Variants in MTHFD2 observed in about 807,000 individuals in gnomAD.
MTHFD2 encodes the protein bifunctional methylenetetrahydrofolate dehydrogenase/cyclohydrolase, mitochondrial.
Under a neutral mutation model 36.8 loss-of-function variants are expected in MTHFD2, and 26 were observed. The ratio of observed to expected loss-of-function variants is 0.71; its 90% confidence interval spans 0.52 to 0.98. The LOEUF (loss-of-function observed/expected upper bound fraction) is 0.98, where lower values mean the gene tolerates loss of function less well. MTHFD2 is among the 50% of genes least tolerant of loss of function. MTHFD2 has a pLI of 0.00. For synonymous variants in MTHFD2, 164 were observed against 155.2 expected (o/e 1.06, Z -0.42); for missense variants, 373 against 434.0 (o/e 0.86, Z 1.25).
At chr2:74,209,849 A>T (rs1160751118) in intron 4 of MTHFD2, 93 bp from the exon 5 acceptor site, 2 of 972,370 alleles carry the variant, frequency 2.1e-6, no homozygotes, top group East Asian at 2.7e-5. Flanking sequence ...CAGTTGACTG[A>T]TGAGGCAAAA....
chr2:74,208,954 G>T (rs773765527), intron 4 of MTHFD2, among the ~76,000 whole-genome samples: 2 of 149,776 alleles, frequency 1.3e-5, no homozygotes, highest in African/African-American at 2.5e-5. Context: ...GCTCACTGCA[G>T]CCTCTGCCTC....
intron 5 of MTHFD2, among the ~76,000 whole-genome samples, chr2:74,210,917 G>T (rs1388653347): frequency 6.6e-6 from 1 of 151,886 alleles, no homozygotes; most frequent in Non-Finnish European, 1.5e-5. Context: ...CTCCCAAGTA[G>T]CTGGGATTAC....
intron 7 of MTHFD2, among the ~76,000 whole-genome samples, chr2:74,213,317 C>T (rs993008688): frequency 5.1e-5 from 6 of 117,402 alleles, no homozygotes; most frequent in African/African-American, 7.0e-5. Flanking sequence ...CTCTCTGTTG[C>T]CCAGGCTGGA....
chr2:74,205,918 G>C, intron 2 of MTHFD2, 29 bp downstream of exon 2: 1 of 1,598,558 alleles, frequency 6.3e-7, no homozygotes, highest in Non-Finnish European at 8.6e-7. Flanking sequence ...CCTCGACTGC[G>C]GTTCAGTTGA....
rs565994280 is a variant in MTHFD2, at chr2:74,217,065, G to T, written c.*2823G>T. ...AAACACTTATTGAGAGCTTTCTATG[G>T]ACCAGGCACTACACTAGACGCTGGG... On this transcript the variant is annotated 3_prime_UTR_variant, in exon 8 of 8. Coordinates refer to ENST00000394053, the MANE Select transcript of MTHFD2 (RefSeq NM_006636.4). 6.6e-6 allele frequency: 1 copy of T among 152,156 alleles called. No homozygotes were observed. The highest frequency in any genetic ancestry group is 1.5e-5 in the Non-Finnish European group (1 of 68,028). 9.4% of individuals were successfully genotyped at this position (152,156 alleles called of 1,614,324 possible).
intron 1 of MTHFD2, among the ~76,000 whole-genome samples, chr2:74,199,247 C>T (rs980465917): frequency 2.6e-5 from 4 of 152,242 alleles, no homozygotes; most frequent in Admixed American, 2.6e-4. Flanking sequence ...CTCGGGGTCC[C>T]CGCGCCGCCC....
intron 1 of MTHFD2, among the ~76,000 whole-genome samples, chr2:74,201,393 C>G (rs560177504): frequency 6.6e-6 from 1 of 151,448 alleles, no homozygotes. Flanking sequence ...GGAATCTCTC[C>G]CTAGGTCAGG....
Position 74,198,821 on chromosome 2 carries a change from A to G in MTHFD2, c.101+79A>G. ...GAGGGGCACGCCGGGCCCCCGAGGG[A>G]CACCGAGGGAAGTCCTTCCCGAACA... On this transcript the variant is annotated intron_variant, in intron 1 of 7. Transcript: ENST00000394053. 7 of 1,301,088 alleles carry G rather than the reference A, an allele frequency of 5.4e-6. No individual in the cohort carries two copies. In the East Asian group the frequency reaches 1.3e-4, roughly 25 times the overall value. 80.6% of individuals were successfully genotyped at this position (1,301,088 alleles called of 1,614,324 possible). A position where few individuals can be genotyped will look rare whatever the true frequency, so the allele number is the denominator to read the frequency against.
chr2:74,210,204 A>T (rs1448277994), intron 5 of MTHFD2, among the ~76,000 whole-genome samples, 155 bp downstream of exon 5: 1 of 152,230 alleles, frequency 6.6e-6, no homozygotes, highest in Non-Finnish European at 1.5e-5. Context: ...CTTTGTAGAG[A>T]AGCTGCACCC....
intron 7 of MTHFD2, among the ~76,000 whole-genome samples, chr2:74,213,299 C>G (rs7562660): frequency 0.059 from 4,921 of 84,010 alleles, 344 homozygotes; most frequent in African/African-American, 0.22. Flanking sequence ...TTTTTTGAGA[C>G]AGGATCCCTC....
At chr2:74,212,424 G>A (rs954449456) in intron 7 of MTHFD2, among the ~76,000 whole-genome samples, 13 of 151,714 alleles carry the variant, frequency 8.6e-5, no homozygotes, top group South Asian at 2.1e-4. Context: ...GGGCCACCAC[G>A]CCCAACTAAT....
intron 2 of MTHFD2, among the ~76,000 whole-genome samples, chr2:74,207,169 C>T (rs779177594): frequency 6.6e-6 from 1 of 152,016 alleles, no homozygotes; most frequent in Non-Finnish European, 1.5e-5. Context: ...CGCTCTGTTG[C>T]GCAGGCTGGA....
intron 1 of MTHFD2, among the ~76,000 whole-genome samples, chr2:74,200,724 T>C (rs979464924): frequency 6.6e-6 from 1 of 152,212 alleles, no homozygotes; most frequent in African/African-American, 2.4e-5. Context: ...ACAGTGTTAT[T>C]ATAATAGTCC....
Position 74,216,441 on chromosome 2 carries a change from CTTGT to C in MTHFD2, c.*2203_*2206del, listed in dbSNP as rs1395851880. The C allele has an allele frequency of 1.3e-5, 2 of 152,116 alleles. No homozygotes were observed. The highest frequency in any genetic ancestry group is 2.1e-4 in the South Asian group (1 of 4,834). The allele number at this position is 152,116 out of a possible 1,614,324, so 9.4% of individuals were successfully genotyped here. A position where few individuals can be genotyped will look rare whatever the true frequency, so the allele number is the denominator to read the frequency against. On this transcript the variant is annotated 3_prime_UTR_variant, in exon 8 of 8. Transcript: ENST00000394053. Reference sequence around the variant, plus strand: ...AAAGAAATTAACAGTAGTTTTCCAGCTTGTTTGATTAATCAAGCAGGTTTACTCT... The same window carrying C: ...AAAGAAATTAACAGTAGTTTTCCAGCTTGATTAATCAAGCAGGTTTACTCT...
In MTHFD2 at chr2:74,211,861, T is replaced by C. The variant is rs187707724; in HGVS notation, c.884T>C (p.Phe295Ser). The change falls in exon 7 of 8, where the codon TTT becomes TCT. Residue 295 changes from phenylalanine (F) to serine (S), a missense_variant. Phe to Ser is a radical substitution (Grantham distance 155). Coordinates refer to ENST00000394053, the MANE Select transcript of MTHFD2 (RefSeq NM_006636.4). ...CCCAAGTTGGTTGGAGATGTGGATTTTGAAGGTAAATGGTGAAATTTTATT... is the reference window on the plus strand; with the variant it reads ...CCCAAGTTGGTTGGAGATGTGGATTCTGAAGGTAAATGGTGAAATTTTATT... Reference protein sequence around the residue: ...AKPKLVGDVDFEGVRQKAGYI... With the variant: ...AKPKLVGDVDSEGVRQKAGYI... 411 of 1,610,092 alleles carry C rather than the reference T, an allele frequency of 2.6e-4. No homozygotes were observed. Among genetic ancestry groups the C allele is most frequent in the Non-Finnish European group, 2.0e-5 (24 of 1,179,038 alleles).
At chr2:74,212,315 G>A (rs944142121) in intron 7 of MTHFD2, among the ~76,000 whole-genome samples, 28 of 137,238 alleles carry the variant, frequency 2.0e-4, no homozygotes, top group Non-Finnish European at 3.8e-4. Context: ...ACCCAGGCTG[G>A]AGTGCAGTGG....
chr2:74,214,489 T>C lies in MTHFD2; in HGVS notation c.*247T>C, dbSNP rs776104586. The C allele has an allele frequency of 2.2e-5, 6 of 271,672 alleles. No individual in the cohort carries two copies. The highest frequency in any genetic ancestry group is 5.0e-5 in the Admixed American group (1 of 20,130). 16.8% of individuals were successfully genotyped at this position (271,672 alleles called of 1,614,324 possible). A position where few individuals can be genotyped will look rare whatever the true frequency, so the allele number is the denominator to read the frequency against. On this transcript the variant is annotated 3_prime_UTR_variant, in exon 8 of 8. Transcript: ENST00000394053. ...GCAGCCATTAACCTAGTGATTAATA[T>C]GGGAGACATTACCATATGGAGGATG...
intron 1 of MTHFD2, among the ~76,000 whole-genome samples, chr2:74,203,895 AGTTTAGTTT>A (rs1694108611): frequency 3.6e-5 from 1 of 27,924 alleles, no homozygotes; most frequent in African/African-American, 2.3e-4. Flanking sequence ...AGTTTAGTTT[AGTTTAGTTT>A]AGTTAGTTTA....
Position 74,205,802 on chromosome 2 carries a change from C to A in MTHFD2, c.199C>A (p.Arg67=). ...AGAGTGGGTGGCCTCAGGCAACAAA[C>A]GGCCACACCTGAGTGTGATCCTGGT... ...VEEWVASGNK[R]PHLSVILVGE... is the part of the protein sequence containing the mutation. The change falls in exon 2 of 8, where the codon CGG becomes AGG. Residue 67 remains arginine, a synonymous_variant. Coordinates refer to ENST00000394053, the MANE Select transcript of MTHFD2 (RefSeq NM_006636.4). 1 of 1,613,718 alleles carries A rather than the reference C, an allele frequency of 6.2e-7. No homozygotes were observed. Among genetic ancestry groups the A allele is most frequent in the Non-Finnish European group, 8.5e-7 (1 of 1,180,006 alleles).
Sources: gnomAD v4.1 joint callset for allele counts (sites outside exome capture counted in the v4.1 genomes callset) on GRCh38, gnomAD v4.1.1 for gene constraint, MANE v1.5 for transcripts, NCBI Gene and HGNC (gene_info 2026-07-23, HGNC 2026-07-21) for gene names.